AK7: variants seen among roughly 807,000 people sequenced by gnomAD.
AK7 encodes ATP-AMP transphosphorylase 7.
A neutral mutation model predicts 96.6 loss-of-function variants in AK7; 78 were observed. The ratio of observed to expected loss-of-function variants is 0.81; its 90% confidence interval spans 0.67 to 0.97. The LOEUF (loss-of-function observed/expected upper bound fraction) is 0.97, where lower values mean the gene tolerates loss of function less well. AK7 is among the 50% of genes least tolerant of loss of function. The pLI is 0.00. For synonymous variants in AK7, 302 were observed against 317.2 expected (o/e 0.95, Z 0.51); for missense variants, 855 against 887.9 (o/e 0.96, Z 0.47).
chr14:96,442,743 G>A lies in AK7; in HGVS notation c.704G>A (p.Gly235Asp). ...LHTFFKMAWLGEIPALPVFGD... is the reference protein window; with the variant it reads ...LHTFFKMAWLDEIPALPVFGD... Reference sequence around the variant, plus strand: ...TCTTCCTTTCAGATGGCTTGGTTGGGCGAGATTCCTGCATTACCAGTTTTT... The same window carrying A: ...TCTTCCTTTCAGATGGCTTGGTTGGACGAGATTCCTGCATTACCAGTTTTT... The change falls in exon 7 of 18, where the codon GGC becomes GAC. Residue 235 changes from glycine (G) to aspartate (D), a missense_variant. Coordinates refer to ENST00000267584, the MANE Select transcript of AK7 (RefSeq NM_152327.5). 6.2e-7 allele frequency: 1 copy of A among 1,614,140 alleles called. No individual in the cohort carries two copies. The highest frequency in any genetic ancestry group is 8.5e-7 in the Non-Finnish European group (1 of 1,179,984).
At chr14:96,484,131 G>A (rs1172598360) in intron 16 of AK7, among the ~76,000 whole-genome samples, 2 of 152,070 alleles carry the variant, frequency 1.3e-5, no homozygotes, top group Admixed American at 6.6e-5. Context: ...GGCTAAGGTG[G>A]GAGGATTGCT....
At chr14:96,395,056 G>T (rs887416543) in intron 1 of AK7, among the ~76,000 whole-genome samples, 1 of 152,160 alleles carries the variant, frequency 6.6e-6, no homozygotes, top group Non-Finnish European at 1.5e-5. Context: ...AGAGACATGG[G>T]TCTCATTAAC....
In AK7 at chr14:96,487,069, A is replaced by AT; in HGVS notation, c.2133+18dup. ...TGTTGATTTTCTGGTAACATATTTA[A>AT]TTTTTAAAAAAAGATCAATTTGAGT... is the stretch of plus-strand genomic sequence containing the variant. On this transcript the variant is annotated intron_variant, in intron 17 of 17. Transcript: ENST00000267584. 1 of 1,613,660 alleles carries AT rather than the reference A, an allele frequency of 6.2e-7. No individual in the cohort carries two copies. The highest frequency in any genetic ancestry group is 1.1e-5 in the South Asian group (1 of 91,002).
At position 96,446,554 on chromosome 14, in the gene AK7, CACT is replaced by C; in HGVS notation, c.820_822del (p.Tyr274del). On this transcript the variant is annotated inframe_deletion, in exon 8 of 18. Coordinates refer to ENST00000267584, the MANE Select transcript of AK7 (RefSeq NM_152327.5). ...CGTCATAGATCACGTGCCAAAGCCT[CACT>C]ACCTGGTTGCTGTGGATGAGTCTGT... 6.2e-7 allele frequency: 1 copy of C among 1,614,186 alleles called. No individual in the cohort carries two copies. The highest frequency in any genetic ancestry group is 2.2e-5 in the East Asian group (1 of 44,880).
At chr14:96,394,648 C>A (rs1411317876) in intron 1 of AK7, among the ~76,000 whole-genome samples, 1 of 152,172 alleles carries the variant, frequency 6.6e-6, no homozygotes, top group Non-Finnish European at 1.5e-5. Context: ...AAGCCTTGAA[C>A]AACGCAGGGG....
chr14:96,487,682 C>G (rs1430338203), intron 17 of AK7, among the ~76,000 whole-genome samples: 1 of 151,878 alleles, frequency 6.6e-6, no homozygotes, highest in Non-Finnish European at 1.5e-5. Flanking sequence ...CTGCCTCGGT[C>G]TCCCAAAGTG....
intron 4 of AK7, among the ~76,000 whole-genome samples, chr14:96,420,192 A>T (rs1474935046): frequency 6.6e-6 from 1 of 151,454 alleles, no homozygotes; most frequent in Non-Finnish European, 1.5e-5. Flanking sequence ...AGAAGAGTAA[A>T]TCACTATTCA....
chr14:96,448,306 T>C (rs1472637998), intron 8 of AK7, among the ~76,000 whole-genome samples: 1 of 151,972 alleles, frequency 6.6e-6, no homozygotes, highest in East Asian at 1.9e-4. Context: ...AGACATTTAT[T>C]GTTCACAGTT....
At chr14:96,481,673 G>A (rs116482335) in intron 15 of AK7, among the ~76,000 whole-genome samples, 238 of 151,258 alleles carry the variant, frequency 1.6e-3, no homozygotes, top group African/African-American at 5.6e-3. Context: ...TCACAGGTCA[G>A]GCAATGAGGA....
chr14:96,451,916 G>T (rs972328332), intron 10 of AK7, among the ~76,000 whole-genome samples: 1 of 152,022 alleles, frequency 6.6e-6, no homozygotes, highest in Admixed American at 6.6e-5. Context: ...GAGTGATGTC[G>T]CAGTGTTGTC....
intron 7 of AK7, among the ~76,000 whole-genome samples, chr14:96,445,457 C>T (rs1020681977): frequency 5.3e-5 from 8 of 152,044 alleles, no homozygotes; most frequent in African/African-American, 1.9e-4. Context: ...CCGAGGAGTT[C>T]GGGACCAGGC....
In AK7 at chr14:96,399,352, C is replaced by G. The variant is rs1359205907; in HGVS notation, c.294+1089C>G. ...CCCATTCACCTCCTTCCCCTGTCTT[C>G]CGGGTATTCTTTCCCATTCACCTCC... On this transcript the variant is annotated intron_variant, in intron 2 of 17. Coordinates refer to ENST00000267584, the MANE Select transcript of AK7 (RefSeq NM_152327.5). The surrounding 1 kb of genome is among the most constrained non-coding windows in gnomAD (Gnocchi z 4.1). 1 of 152,750 alleles carries G rather than the reference C, an allele frequency of 6.5e-6. No individual in the cohort carries two copies. The highest frequency in any genetic ancestry group is 1.5e-5 in the Non-Finnish European group (1 of 68,346). The allele number at this position is 152,750 out of a possible 1,614,324, so 9.5% of individuals were successfully genotyped here. A position where few individuals can be genotyped will look rare whatever the true frequency, so the allele number is the denominator to read the frequency against.
chr14:96,481,429 C>A (rs1056238621), intron 15 of AK7, among the ~76,000 whole-genome samples: 3 of 152,276 alleles, frequency 2.0e-5, no homozygotes. Flanking sequence ...TCACTGCAAC[C>A]TCTGCCTCCT....
At position 96,481,867 on chromosome 14, in the gene AK7, G is replaced by A. The variant is rs908671889; in HGVS notation, c.1754-1132G>A. On this transcript the variant is annotated intron_variant, in intron 15 of 17. Transcript: ENST00000267584. ...CTACAGGTGTGCACCACCACACCAG[G>A]CTAATTTTTGTATTTTTAGTGGAGA... 6.6e-5 allele frequency among the ~76,000 whole-genome samples: 10 copies of A among 151,764 alleles called. No individual in the cohort carries two copies. The East Asian group carries it at 1.7e-3, about 26-fold the overall frequency.
chr14:96,423,575 GCT>G (rs1282843792), intron 5 of AK7: 5 of 491,158 alleles, frequency 1.0e-5, no homozygotes, highest in Non-Finnish European at 1.9e-5. Flanking sequence ...CCATCTCAGT[GCT>G]CAGGTCTTGT....
chr14:96,403,638 A>T (rs767341238), intron 2 of AK7, among the ~76,000 whole-genome samples: 1 of 152,196 alleles, frequency 6.6e-6, no homozygotes, highest in Non-Finnish European at 1.5e-5. Context: ...TCAATAAAGG[A>T]AGAGACCCAG....
At chr14:96,411,076 G>A (rs376709000) in intron 4 of AK7, among the ~76,000 whole-genome samples, 26 of 152,128 alleles carry the variant, frequency 1.7e-4, no homozygotes, top group African/African-American at 6.3e-4. Context: ...ACAACTGCAT[G>A]CAGTTGTACA....
chr14:96,418,724 G>T (rs1234452090), intron 4 of AK7, among the ~76,000 whole-genome samples: 2 of 152,030 alleles, frequency 1.3e-5, no homozygotes, highest in Non-Finnish European at 2.9e-5. Flanking sequence ...TCACCATGTT[G>T]TCCAGGCTGG....
intron 17 of AK7, 62 bp downstream of exon 17, chr14:96,487,118 T>A: frequency 6.4e-7 from 1 of 1,560,826 alleles, no homozygotes; most frequent in African/African-American, 1.4e-5. Context: ...CTTACACCTG[T>A]AATCCCAGCA....
Sources: allele counts gnomAD v4.1 joint callset (sites outside exome capture counted in the v4.1 genomes callset), GRCh38; gene constraint gnomAD v4.1.1; non-coding constraint Gnocchi (gnomAD v3.1); transcripts MANE v1.5; gene names NCBI Gene and HGNC (gene_info 2026-07-23, HGNC 2026-07-21).